Variants in CEP131 observed in about 807,000 individuals in gnomAD.
CEP131 encodes the protein centrosomal protein of 131 kDa.
A neutral mutation model predicts 136.8 loss-of-function variants in CEP131; 99 were observed. That is an observed-to-expected ratio of 0.72 (90% CI 0.62 to 0.86). The LOEUF (loss-of-function observed/expected upper bound fraction) is 0.86. Among genes scored for constraint, CEP131 ranks in the 40% least tolerant of loss-of-function variants. The probability of loss-of-function intolerance (pLI) is 0.00; values close to 1 mark genes in which losing one functional copy is unlikely to be tolerated. For synonymous variants in CEP131, 646 were observed against 612.7 expected, an observed-to-expected ratio of 1.05 and a Z score of -0.80; for missense variants, 1,459 against 1,463.0, an observed-to-expected ratio of 1.00 and a Z score of 0.04.
At position 81,199,643 on chromosome 17, in the gene CEP131, A is replaced by AG. The variant is rs1598286493; in HGVS notation, c.1023+75dup. 64 of 1,596,598 alleles carry AG rather than the reference A, an allele frequency of 4.0e-5. No individual in the cohort carries two copies. In the East Asian group the frequency reaches 1.4e-3, roughly 35 times the overall value. ...CCTGAGGCTAAGTGTCCCGGGGCCC[A>AG]GGGAGCCCCAGCAGCAGCCCCGCAC... On this transcript the variant is annotated intron_variant, in intron 9 of 25. Coordinates refer to ENST00000450824, the MANE Select transcript of CEP131 (RefSeq NM_014984.4).
rs1228729242 is a variant in CEP131, at chr17:81,219,351, C to T, written c.177+529G>A. On this transcript the variant is annotated intron_variant, in intron 2 of 25. Coordinates refer to ENST00000450824, the MANE Select transcript of CEP131 (RefSeq NM_014984.4). This position sits in a 1 kb window ranked among gnomAD's most constrained non-coding sequence, Gnocchi z 4.0. ...ACTCTGTCGCCAGGCTGGAGTGCAA[C>T]GGCACGATCTCGGCTCACCGCAACC... Among the ~76,000 whole-genome samples, 3 of 142,466 alleles carry T rather than the reference C, an allele frequency of 2.1e-5. No homozygotes were observed. Among genetic ancestry groups the T allele is most frequent in the Admixed American group, 7.4e-5 (1 of 13,578 alleles). 93.5% of individuals were successfully genotyped at this position (142,466 alleles called of 152,430 possible).
At chr17:81,198,418 G>T in intron 11 of CEP131, 121 bp from the exon 12 acceptor site, 1 of 1,071,170 alleles carries the variant, frequency 9.3e-7, no homozygotes, top group Non-Finnish European at 1.3e-6. Context: ...CCGACATTCA[G>T]CCCCAGGAAG....
In CEP131 at chr17:81,191,239, C is replaced by T. The variant is rs758926293; in HGVS notation, c.2719G>A (p.Asp907Asn). The change falls in exon 22 of 26, where the codon GAC becomes AAC. Residue 907 changes from aspartate to asparagine, a missense_variant. Asp to Asn is a conservative substitution (Grantham distance 23). Coordinates refer to ENST00000450824, the MANE Select transcript of CEP131 (RefSeq NM_014984.4). ...IELVIHRLEA[D>N]MALAKEESEK... Reference sequence around the variant, plus strand: ...CTCTCCTCCTTGGCCAGCGCCATGTCGGCCTCCAGCCGGTGAATGACCAGC... The same window carrying T: ...CTCTCCTCCTTGGCCAGCGCCATGTTGGCCTCCAGCCGGTGAATGACCAGC... 9 of 1,613,096 alleles carry T rather than the reference C, an allele frequency of 5.6e-6. No homozygotes were observed. The highest frequency in any genetic ancestry group is 1.6e-4 in the Middle Eastern group (1 of 6,084).
At chr17:81,221,124 CA>C (rs760838378) in intron 1 of CEP131, among the ~76,000 whole-genome samples, 3,053 of 53,850 alleles carry the variant, frequency 0.057, 46 homozygotes, top group African/African-American at 0.2. Flanking sequence ...GACTCCATCT[CA>C]AAAAAAAAAA....
At position 81,215,958 on chromosome 17, in the gene CEP131, G is replaced by T. The variant is rs1247233738; in HGVS notation, c.177+3922C>A. ...AGCGGGAGCAGGGTCAGGTGCAGCG[G>T]CCCACACCCGTAATCCCAGCACTTT... On this transcript the variant is annotated intron_variant, in intron 2 of 25. Coordinates refer to ENST00000450824, the MANE Select transcript of CEP131 (RefSeq NM_014984.4). This position sits in a 1 kb window ranked among gnomAD's most constrained non-coding sequence, Gnocchi z 4.1. Among the ~76,000 whole-genome samples the T allele has an allele frequency of 6.6e-6, 1 of 151,770 alleles. No homozygotes were observed. Among genetic ancestry groups the T allele is most frequent in the Non-Finnish European group, 1.5e-5 (1 of 67,972 alleles).
intron 21 of CEP131, among the ~76,000 whole-genome samples, chr17:81,191,779 G>A (rs1349829376): frequency 2.0e-5 from 3 of 152,298 alleles, no homozygotes; most frequent in African/African-American, 7.2e-5. Flanking sequence ...CATGCTACTG[G>A]GCCCAGAGGC....
chr17:81,207,635 C>T (rs1364131277), intron 3 of CEP131, among the ~76,000 whole-genome samples: 1 of 151,064 alleles, frequency 6.6e-6, no homozygotes, highest in East Asian at 2.0e-4. Context: ...CAGGTGTGAG[C>T]CTGCACACCC....
rs1286834656 is a variant in CEP131, at chr17:81,192,405, C to T, written c.2548-13G>A. ...TATTCAGCTCCATCTGGGGGGCGGACATAAGAGGCCAGTCAGTCCCACCCC... is the reference window on the plus strand; with the variant it reads ...TATTCAGCTCCATCTGGGGGGCGGATATAAGAGGCCAGTCAGTCCCACCCC... On this transcript the variant is annotated splice_polypyrimidine_tract_variant and intron_variant, in intron 20 of 25. Transcript: ENST00000450824. 1 of 1,610,746 alleles carries T rather than the reference C, an allele frequency of 6.2e-7. No homozygotes were observed. Among genetic ancestry groups the T allele is most frequent in the Middle Eastern group, 1.8e-4 (1 of 5,590 alleles).
rs1345771447 is a variant in CEP131 at position 81,208,109 on chromosome 17, C to T, written c.272+819G>A. Among the ~76,000 whole-genome samples the T allele has an allele frequency of 7.2e-6, 1 of 138,634 alleles. No individual in the cohort carries two copies. Among genetic ancestry groups the T allele is most frequent in the African/African-American group, 2.7e-5 (1 of 37,090 alleles). The allele number at this position is 138,634 out of a possible 152,430, so 90.9% of individuals were successfully genotyped here. A position where few individuals can be genotyped will look rare whatever the true frequency, so the allele number is the denominator to read the frequency against. Reference sequence around the variant, plus strand: ...ACCACACACACACACTTATGCCACACACCCACACACCACACACATACCACA... The same window carrying T: ...ACCACACACACACACTTATGCCACATACCCACACACCACACACATACCACA... On this transcript the variant is annotated intron_variant, in intron 3 of 25. Transcript: ENST00000450824. The surrounding 1 kb of genome is among the most constrained non-coding windows in gnomAD (Gnocchi z 5.6).
At chr17:81,196,554 A>G in intron 15 of CEP131, 147 bp downstream of exon 15, 1 of 1,278,768 alleles carries the variant, frequency 7.8e-7, no homozygotes, top group Non-Finnish European at 1.1e-6. Context: ...TGGGAATGGC[A>G]TGGGAAAGGC....
intron 2 of CEP131, among the ~76,000 whole-genome samples, chr17:81,211,934 G>GAAAAAAAAA (rs149683349): frequency 3.5e-5 from 4 of 115,132 alleles, no homozygotes; most frequent in Admixed American, 9.7e-5. Flanking sequence ...CCCTGTCTCT[G>GAAAAAAAAA]AAAAAAAAAA....
chr17:81,209,024 T>C lies in CEP131; in HGVS notation c.178-2A>G. ...GGAGCCCCCAGGCCCTGTGGCCTCC[T>C]GCAAAAAGGGAGAAAACAGTTAATT... is the stretch of plus-strand genomic sequence containing the variant. On this transcript the variant is annotated splice_acceptor_variant, in intron 2 of 25. Coordinates refer to ENST00000450824, the MANE Select transcript of CEP131 (RefSeq NM_014984.4). LOFTEE classifies it high-confidence loss of function. 1 of 1,605,702 alleles carries C rather than the reference T, an allele frequency of 6.2e-7. No individual in the cohort carries two copies. The highest frequency in any genetic ancestry group is 8.5e-7 in the Non-Finnish European group (1 of 1,173,718).
intron 1 of CEP131, among the ~76,000 whole-genome samples, chr17:81,220,556 G>A (rs866727710): frequency 2.0e-5 from 3 of 152,114 alleles, no homozygotes; most frequent in African/African-American, 4.8e-5. Flanking sequence ...GTGCAGTGGC[G>A]CGATCTCGGC....
At chr17:81,200,974 T>C (rs2061878020) in intron 7 of CEP131, among the ~76,000 whole-genome samples, 1 of 152,162 alleles carries the variant, frequency 6.6e-6, no homozygotes, top group Non-Finnish European at 1.5e-5. Flanking sequence ...CTTGGTCTGC[T>C]GTGTCCACAG....
Position 81,219,864 on chromosome 17 carries a change from A to G in CEP131, c.177+16T>C. The G allele has an allele frequency of 6.4e-7, 1 of 1,560,880 alleles. No individual in the cohort carries two copies. Among genetic ancestry groups the G allele is most frequent in the South Asian group, 1.2e-5 (1 of 85,750 alleles). ...CCAGGAGGCAGGGGCCCGGACTCCT[A>G]GGCCACAGTACTCACCAGCACCTTC... On this transcript the variant is annotated intron_variant, in intron 2 of 25. Coordinates refer to ENST00000450824, the MANE Select transcript of CEP131 (RefSeq NM_014984.4). The surrounding 1 kb of genome is among the most constrained non-coding windows in gnomAD (Gnocchi z 4.0).
chr17:81,213,897 T>G (rs1179105533), intron 2 of CEP131, among the ~76,000 whole-genome samples: 5 of 152,166 alleles, frequency 3.3e-5, no homozygotes, highest in African/African-American at 1.2e-4. Flanking sequence ...CCCAGTCTGA[T>G]CACGAGAAAA....
Position 81,197,050 on chromosome 17 carries a change from C to A in CEP131, c.1653G>T (p.Trp551Cys). The change falls in exon 14 of 26, where the codon TGG becomes TGT. Residue 551 changes from tryptophan to cysteine, a missense_variant. Around this residue, in one of 3 missense-constraint regions of CEP131, gnomAD observed 1,026 missense variants for 964.2 expected, o/e 1.06. Transcript: ENST00000450824. ...GGGGCCCCGGCCCCGCCTCCGGCAC[C>A]CACCCCTGCAGACACAGCCGAGCGT... Reference protein sequence around the residue: ...QDQLDSQQEGWVPEAGPGPLE... With the variant: ...QDQLDSQQEGCVPEAGPGPLE... 1 of 1,586,884 alleles carries A rather than the reference C, an allele frequency of 6.3e-7. No homozygotes were observed. Among genetic ancestry groups the A allele is most frequent in the Non-Finnish European group, 8.6e-7 (1 of 1,166,930 alleles).
rs2061701437 is a variant in CEP131, at chr17:81,194,049, T to G, written c.2198A>C (p.Glu733Ala). The G allele has an allele frequency of 1.0e-5, 16 of 1,584,028 alleles. No individual in the cohort carries two copies. In the East Asian group the frequency reaches 3.7e-4, roughly 37 times the overall value. The change falls in exon 18 of 26, where the codon GAG becomes GCG. Residue 733 changes from glutamate to alanine, a missense_variant. Transcript: ENST00000450824. ...GGCCCGCTCATCCGACTGCAGCAGC[T>G]CCGCCTCGTGCAGGCTCTTGAGCCT... ...VRRLKSLHEA[E>A]LLQSDERASQ...
At chr17:81,194,762 G>A (rs1270747977) in intron 17 of CEP131, 108 bp downstream of exon 17, 1 of 936,318 alleles carries the variant, frequency 1.1e-6, no homozygotes, top group South Asian at 1.3e-5. Flanking sequence ...CCTCTGCCCA[G>A]GAAGGTCTCG....
Sources: allele counts gnomAD v4.1 joint callset (sites outside exome capture counted in the v4.1 genomes callset), GRCh38; gene constraint gnomAD v4.1.1; regional missense constraint gnomAD v4.1.1; non-coding constraint Gnocchi (gnomAD v3.1); transcripts MANE v1.5; gene names NCBI Gene and HGNC (gene_info 2026-07-23, HGNC 2026-07-21).